The following CA10 variants were observed in gnomAD, a reference collection of about 807,000 sequenced individuals.
CA10 encodes the protein carbonic anhydrase 10 (inactive), also known as carbonic anhydrase-related protein 10.
In CA10, 14 loss-of-function variants were observed where a neutral mutation model predicts 44.2. The observed-to-expected ratio is 0.32, with a 90% CI of 0.21 to 0.50. The LOEUF is 0.50. CA10 is among the 20% of genes least tolerant of loss of function. The pLI is 0.99. For synonymous variants in CA10, 159 were observed against 141.6 expected, an observed-to-expected ratio of 1.12 and a Z score of -0.87; for missense variants, 350 against 409.7, an observed-to-expected ratio of 0.85 and a Z score of 1.26.
At chr17:52,078,443 A>C (rs1987875544) in intron 1 of CA10, among the ~76,000 whole-genome samples, 1 of 152,228 alleles carries the variant, frequency 6.6e-6, no homozygotes, top group South Asian at 2.1e-4. Context: ...AGTGGTCTAC[A>C]ACTAGCAAAG....
chr17:52,049,466 T>C (rs1308042186), intron 2 of CA10, among the ~76,000 whole-genome samples: 3 of 152,150 alleles, frequency 2.0e-5, no homozygotes, highest in African/African-American at 7.2e-5. Flanking sequence ...ACAAAGTAAG[T>C]GTTTTACAAG....
intron 4 of CA10, among the ~76,000 whole-genome samples, chr17:51,692,965 GGTCTTA>G (rs1915271066): frequency 6.6e-6 from 1 of 152,154 alleles, no homozygotes; most frequent in Admixed American, 6.5e-5. Context: ...GGTTTCAACA[GGTCTTA>G]GTCAGTTGGT....
At chr17:52,044,477 C>T (rs945022841) in intron 2 of CA10, among the ~76,000 whole-genome samples, 1 of 151,676 alleles carries the variant, frequency 6.6e-6, no homozygotes, top group Admixed American at 6.6e-5. Context: ...CTAATTTTTG[C>T]ATTTTTTGTA....
intron 3 of CA10, among the ~76,000 whole-genome samples, chr17:51,823,066 G>A (rs1432191232): frequency 2.0e-5 from 3 of 152,190 alleles, no homozygotes; most frequent in Non-Finnish European, 2.9e-5. Flanking sequence ...AACCTGGGCA[G>A]CGCTTTATTT....
intron 3 of CA10, among the ~76,000 whole-genome samples, chr17:51,874,996 T>TTTCTTTTCTTTTCTA (rs1980003295): frequency 6.6e-6 from 1 of 151,266 alleles, no homozygotes; most frequent in African/African-American, 2.4e-5. Context: ...TTTCTTTTCT[T>TTTCTTTTCTTTTCTA]TTCTTAGGGT....
chr17:52,080,091 A>C (rs1286553260), intron 1 of CA10, among the ~76,000 whole-genome samples: 2 of 152,220 alleles, frequency 1.3e-5, no homozygotes, highest in African/African-American at 2.4e-5. Context: ...TTGGGAGATA[A>C]GAAAAAAATA....
chr17:51,921,693 C>T (rs146097205), intron 3 of CA10, among the ~76,000 whole-genome samples: 59 of 152,262 alleles, frequency 3.9e-4, no homozygotes, highest in African/African-American at 1.4e-3. Flanking sequence ...TGTAGAACCT[C>T]AGGTACTGTG....
intron 3 of CA10, among the ~76,000 whole-genome samples, chr17:51,873,193 T>G (rs1281899694): frequency 6.6e-6 from 1 of 152,198 alleles, no homozygotes; most frequent in Non-Finnish European, 1.5e-5. Flanking sequence ...CGTTAAAGAT[T>G]AAATAAAATA....
At chr17:51,699,447 C>G (rs4794297) in intron 4 of CA10, among the ~76,000 whole-genome samples, 33,067 of 152,028 alleles carry the variant, frequency 0.22, 3,871 homozygotes, top group East Asian at 0.4. Flanking sequence ...TCCTCCCCTT[C>G]TTGCAACCGG....
chr17:51,868,932 C>T (rs1979680558), intron 3 of CA10, among the ~76,000 whole-genome samples: 1 of 150,606 alleles, frequency 6.6e-6, no homozygotes, highest in Non-Finnish European at 1.5e-5. Context: ...AGGTGACATG[C>T]ACACACAAGT....
chr17:51,951,530 C>T (rs2144034059), intron 2 of CA10, among the ~76,000 whole-genome samples: 1 of 152,238 alleles, frequency 6.6e-6, no homozygotes, highest in Admixed American at 6.5e-5. Flanking sequence ...AACAACATCC[C>T]TTACAGCAAA....
intron 2 of CA10, among the ~76,000 whole-genome samples, chr17:52,062,910 T>C (rs149231807): frequency 6.6e-6 from 1 of 152,212 alleles, no homozygotes; most frequent in Non-Finnish European, 1.5e-5. Flanking sequence ...ATATAGCCAC[T>C]GGCAATGAGC....
intron 3 of CA10, among the ~76,000 whole-genome samples, chr17:51,786,049 T>A (rs1197890542): frequency 1.3e-5 from 2 of 152,214 alleles, no homozygotes; most frequent in African/African-American, 4.8e-5. Flanking sequence ...TTTAAATTCC[T>A]AGGTATTTAA....
rs568828163 is a variant in CA10 at position 51,648,523 on chromosome 17, G to A, written c.634+659C>T. Among the ~76,000 whole-genome samples, 8 of 152,314 alleles carry A rather than the reference G, an allele frequency of 5.3e-5. No individual in the cohort carries two copies. In the South Asian group the frequency reaches 1.7e-3, roughly 32 times the overall value. The stretch of plus-strand genomic sequence containing the variant: ...CATATTATTTCTTTCATCTATGGGT[G>A]TGTGCTGTCTCACCCAACTTTTCCC... On this transcript the variant is annotated intron_variant, in intron 6 of 8. Transcript: ENST00000451037.
At chr17:51,990,752 C>T (rs1005393024) in intron 2 of CA10, among the ~76,000 whole-genome samples, 2 of 152,030 alleles carry the variant, frequency 1.3e-5, no homozygotes, top group African/African-American at 2.4e-5. Flanking sequence ...CATTTGACTG[C>T]AATAAAGTGG....
At chr17:51,832,037 G>C (rs1908302804) in intron 3 of CA10, among the ~76,000 whole-genome samples, 1 of 152,122 alleles carries the variant, frequency 6.6e-6, no homozygotes, top group Admixed American at 6.5e-5. Flanking sequence ...TCCCATTCCT[G>C]TTTTCCCCAG....
At chr17:52,130,589 T>A (rs1281220897) in intron 1 of CA10, among the ~76,000 whole-genome samples, 1 of 152,238 alleles carries the variant, frequency 6.6e-6, no homozygotes, top group Non-Finnish European at 1.5e-5. Flanking sequence ...ATGTGGAACG[T>A]AATAAAGTTG....
At chr17:51,987,166 A>G (rs1353582158) in intron 2 of CA10, among the ~76,000 whole-genome samples, 2 of 151,926 alleles carry the variant, frequency 1.3e-5, no homozygotes, top group South Asian at 4.1e-4. Context: ...ATATGATGGA[A>G]TACTACTTAT....
chr17:51,883,451 C>T (rs984466697), intron 3 of CA10, among the ~76,000 whole-genome samples: 2 of 152,150 alleles, frequency 1.3e-5, no homozygotes, highest in African/African-American at 2.4e-5. Context: ...CTCCCATTTT[C>T]TCATGAATAT....
Sources: allele counts gnomAD v4.1 joint callset (sites outside exome capture counted in the v4.1 genomes callset), GRCh38; gene constraint gnomAD v4.1.1; transcripts MANE v1.5; gene names NCBI Gene and HGNC (gene_info 2026-07-23, HGNC 2026-07-21).